Variants in COMMD1 observed in about 807,000 individuals in gnomAD.
COMMD1 encodes copper metabolism domain containing 1.
A neutral mutation model predicts 17.2 loss-of-function variants in COMMD1; 10 were observed. The observed-to-expected ratio is 0.58, with a 90% CI of 0.36 to 0.99. The LOEUF is 0.99. Ranked by LOEUF, COMMD1 falls within the 50% of genes least tolerant of loss-of-function variation. The pLI, the probability that COMMD1 is intolerant of heterozygous loss-of-function variation, is 0.01. For missense variants in COMMD1, 270 were observed against 231.8 expected (o/e 1.17, Z -1.07); for synonymous variants, 97 against 91.6 (o/e 1.06, Z -0.34).
chr2:62,096,857 G>A (rs761768645), intron 2 of COMMD1, among the ~76,000 whole-genome samples: 5 of 152,208 alleles, frequency 3.3e-5, no homozygotes, highest in Non-Finnish European at 7.3e-5. Flanking sequence ...GGGAGGATAA[G>A]CACAACAATA....
intron 2 of COMMD1, among the ~76,000 whole-genome samples, chr2:62,004,585 A>G (rs1392638991): frequency 6.6e-6 from 1 of 152,182 alleles, no homozygotes; most frequent in Non-Finnish European, 1.5e-5. Flanking sequence ...TACAGGCTTG[A>G]GCCACCGCGC....
At chr2:61,889,766 C>A (rs1191345061) in intron 1 of COMMD1, among the ~76,000 whole-genome samples, 1 of 151,908 alleles carries the variant, frequency 6.6e-6, no homozygotes, top group East Asian at 1.9e-4. Context: ...GTTACCACCG[C>A]CCGCTTGTTC....
intron 1 of COMMD1, among the ~76,000 whole-genome samples, chr2:61,990,660 A>G (rs1428937557): frequency 2.0e-5 from 3 of 152,194 alleles, no homozygotes; most frequent in Non-Finnish European, 2.9e-5. Flanking sequence ...CATGTCTCAC[A>G]TGGTGGCAGA....
chr2:61,927,231 A>G (rs951351673), intron 1 of COMMD1, among the ~76,000 whole-genome samples: 61 of 152,334 alleles, frequency 4.0e-4, no homozygotes, highest in African/African-American at 1.3e-3. Context: ...TTGTGTAAGG[A>G]TTGAAGCAAA....
chr2:62,004,370 G>A (rs779038654), intron 2 of COMMD1, among the ~76,000 whole-genome samples: 10 of 151,982 alleles, frequency 6.6e-5, no homozygotes, highest in Non-Finnish European at 1.0e-4. Flanking sequence ...GCACAATCTC[G>A]GCTCACTGCA....
chr2:61,985,188 C>T (rs1393595718), intron 1 of COMMD1, among the ~76,000 whole-genome samples: 2 of 151,888 alleles, frequency 1.3e-5, no homozygotes, highest in African/African-American at 4.8e-5. Context: ...GTAGCTGGGA[C>T]TACAGGCGCC....
At chr2:61,941,484 G>A (rs1299592820) in intron 1 of COMMD1, among the ~76,000 whole-genome samples, 1 of 152,196 alleles carries the variant, frequency 6.6e-6, no homozygotes, top group Non-Finnish European at 1.5e-5. Context: ...GGACATATTA[G>A]GTAGGAGAAT....
chr2:61,942,104 G>C (rs773477225), intron 1 of COMMD1, among the ~76,000 whole-genome samples: 2 of 152,004 alleles, frequency 1.3e-5, no homozygotes, highest in Admixed American at 1.3e-4. Context: ...ACACATCCTC[G>C]TGTTTGTTTA....
At chr2:61,927,688 G>A (rs561992330) in intron 1 of COMMD1, among the ~76,000 whole-genome samples, 4 of 151,870 alleles carry the variant, frequency 2.6e-5, no homozygotes, top group Admixed American at 6.6e-5. Flanking sequence ...GTGAGCCACC[G>A]CGCCTGGCTG....
chr2:62,084,258 C>G (rs552636108), intron 2 of COMMD1, among the ~76,000 whole-genome samples: 1 of 152,136 alleles, frequency 6.6e-6, no homozygotes, highest in East Asian at 1.9e-4. Flanking sequence ...TTTGACTTCT[C>G]AAAAACTTAA....
chr2:61,950,817 T>C (rs944672557), intron 1 of COMMD1, among the ~76,000 whole-genome samples: 1 of 151,380 alleles, frequency 6.6e-6, no homozygotes. Flanking sequence ...CAGGAAGGAG[T>C]GGGAGGGTGC....
intron 2 of COMMD1, among the ~76,000 whole-genome samples, chr2:62,009,444 A>C (rs1478139515): frequency 6.6e-6 from 1 of 152,086 alleles, no homozygotes; most frequent in Non-Finnish European, 1.5e-5. Context: ...GTCTCTACTG[A>C]AAATACAAAA....
In COMMD1 at chr2:61,962,196, G is replaced by A. The variant is rs549260955; in HGVS notation, c.181-38505G>A. Among the ~76,000 whole-genome samples the A allele has an allele frequency of 7.2e-5, 11 of 152,218 alleles. No homozygotes were observed. The South Asian group carries it at 2.3e-3, about 32-fold the overall frequency. ...AGTATCTGTTAAGTTTATTTTCCTG[G>A]TCGGATTGCTCCTCAGAGAGGAATT... On this transcript the variant is annotated intron_variant, in intron 1 of 2. Transcript: ENST00000311832.
At chr2:61,918,819 C>A (rs548625900) in intron 1 of COMMD1, among the ~76,000 whole-genome samples, 1 of 151,980 alleles carries the variant, frequency 6.6e-6, no homozygotes, top group Non-Finnish European at 1.5e-5. Context: ...GAAAAAAAAT[C>A]ATGATTTTTT....
chr2:61,982,738 A>G (rs542138512), intron 1 of COMMD1, among the ~76,000 whole-genome samples: 14 of 152,286 alleles, frequency 9.2e-5, no homozygotes, highest in Non-Finnish European at 1.6e-4. Context: ...TTCATCATGA[A>G]GGGATGTTGA....
intron 1 of COMMD1, chr2:61,888,873 T>G: frequency 1.9e-5 from 5 of 259,508 alleles, no homozygotes; most frequent in Admixed American, 5.4e-5. Context: ...TCACTCCACC[T>G]TGCACGGCTA....
At chr2:62,008,930 T>C (rs1669202738) in intron 2 of COMMD1, among the ~76,000 whole-genome samples, 1 of 152,122 alleles carries the variant, frequency 6.6e-6, no homozygotes, top group Non-Finnish European at 1.5e-5. Flanking sequence ...ACTACAGGCA[T>C]GCACCACCAC....
intron 1 of COMMD1, among the ~76,000 whole-genome samples, chr2:61,894,670 T>C (rs1669515921): frequency 1.3e-5 from 2 of 150,588 alleles, no homozygotes; most frequent in Non-Finnish European, 3.0e-5. Flanking sequence ...AATGATGATA[T>C]ATATATATTT....
At chr2:61,983,425 C>T (rs1414136438) in intron 1 of COMMD1, among the ~76,000 whole-genome samples, 4 of 152,044 alleles carry the variant, frequency 2.6e-5, no homozygotes, top group Admixed American at 6.6e-5. Flanking sequence ...TCCTTGACCT[C>T]GTGATCCGAC....
Sources: gnomAD v4.1 joint callset for allele counts (sites outside exome capture counted in the v4.1 genomes callset) on GRCh38, gnomAD v4.1.1 for gene constraint, MANE v1.5 for transcripts, NCBI Gene and HGNC (gene_info 2026-07-23, HGNC 2026-07-21) for gene names.